COTL1: variants seen among roughly 807,000 people sequenced by gnomAD.
COTL1 encodes the protein coactosin-like protein.
Under a neutral mutation model 16.5 loss-of-function variants are expected in COTL1, and 15 were observed. The observed-to-expected ratio is 0.91, with a 90% CI of 0.61 to 1.40. The LOEUF (loss-of-function observed/expected upper bound fraction) is 1.40, where lower values mean the gene tolerates loss of function less well. Among genes scored for constraint, COTL1 ranks in the 40% most tolerant of loss-of-function variants. The pLI is 0.00. For missense variants in COTL1, 220 were observed against 201.5 expected (o/e 1.09, Z -0.56); for synonymous variants, 112 against 85.3 (o/e 1.31, Z -1.73).
chr16:84,588,260 C>A (rs1358179617), intron 3 of COTL1, among the ~76,000 whole-genome samples: 1 of 151,160 alleles, frequency 6.6e-6, no homozygotes, highest in African/African-American at 2.5e-5. Flanking sequence ...TTTAGAAGAG[C>A]TTTGGAGTTA....
intron 2 of COTL1, among the ~76,000 whole-genome samples, chr16:84,591,417 C>T (rs1904859263): frequency 6.6e-6 from 1 of 151,532 alleles, no homozygotes; most frequent in Non-Finnish European, 1.5e-5. Flanking sequence ...ATCTCCTGAC[C>T]TTGTATTCCA....
At chr16:84,591,837 T>TAAAATAAAAA (rs1904875505) in intron 2 of COTL1, among the ~76,000 whole-genome samples, 1 of 89,676 alleles carries the variant, frequency 1.1e-5, no homozygotes, top group African/African-American at 5.9e-5. Context: ...TAAAATAAAA[T>TAAAATAAAAA]AAAATAAAAT....
chr16:84,570,094 G>A (rs532880240), intron 3 of COTL1, among the ~76,000 whole-genome samples: 66 of 152,244 alleles, frequency 4.3e-4, no homozygotes, highest in African/African-American at 1.5e-3. Context: ...TGGCCAACAC[G>A]GTGAAAACCC....
chr16:84,585,409 G>T lies in COTL1; in HGVS notation c.318+4696C>A, dbSNP rs57566750. Among the ~76,000 whole-genome samples, 25 of 150,936 alleles carry T rather than the reference G, an allele frequency of 1.7e-4. No individual in the cohort carries two copies. The South Asian group carries it at 5.2e-3, about 32-fold the overall frequency. On this transcript the variant is annotated intron_variant, in intron 3 of 3. Coordinates refer to ENST00000262428, the MANE Select transcript of COTL1 (RefSeq NM_021149.5). Reference sequence around the variant, plus strand: ...TTCAAGTTCCTCCACATCAATGACCGTGCAATTAATTTACACCCTCCACGT... The same window carrying T: ...TTCAAGTTCCTCCACATCAATGACCTTGCAATTAATTTACACCCTCCACGT...
At chr16:84,577,410 AT>A (rs1368527394) in intron 3 of COTL1, among the ~76,000 whole-genome samples, 2 of 152,042 alleles carry the variant, frequency 1.3e-5, no homozygotes, top group Admixed American at 6.6e-5. Context: ...ACACCCAGCT[AT>A]TTTTTGTATT....
intron 2 of COTL1, among the ~76,000 whole-genome samples, chr16:84,603,630 G>A (rs1443283142): frequency 6.6e-6 from 1 of 152,136 alleles, no homozygotes; most frequent in East Asian, 1.9e-4. Context: ...GGGACCAACG[G>A]TGACAATGGC....
chr16:84,592,836 T>G (rs1397518392), intron 2 of COTL1, among the ~76,000 whole-genome samples: 1 of 152,144 alleles, frequency 6.6e-6, no homozygotes, highest in Non-Finnish European at 1.5e-5. Context: ...GTCATCCATT[T>G]GTCCCCGGGA....
chr16:84,597,579 A>G (rs1331418821), intron 2 of COTL1, among the ~76,000 whole-genome samples: 1 of 152,156 alleles, frequency 6.6e-6, no homozygotes, highest in Non-Finnish European at 1.5e-5. Flanking sequence ...AATGAGCCCC[A>G]GGGTGATTCT....
intron 3 of COTL1, among the ~76,000 whole-genome samples, chr16:84,587,702 G>A (rs1399184009): frequency 6.6e-6 from 1 of 152,160 alleles, no homozygotes; most frequent in Non-Finnish European, 1.5e-5. Flanking sequence ...CCCGTCCAGA[G>A]AGTGGCCAGG....
chr16:84,618,007 G>C lies in COTL1; in HGVS notation c.-93C>G. ...GGAGCGCGGCGGGTACGCGCCGAGG[G>C]CGCACGGGCTGGCGGCGGTGGCGAC... On this transcript the variant is annotated 5_prime_UTR_variant, in exon 1 of 4. Coordinates refer to ENST00000262428, the MANE Select transcript of COTL1 (RefSeq NM_021149.5). 1 of 806,798 alleles carries C rather than the reference G, an allele frequency of 1.2e-6. No individual in the cohort carries two copies. The highest frequency in any genetic ancestry group is 1.6e-6 in the Non-Finnish European group (1 of 615,112). 50.0% of individuals were successfully genotyped at this position (806,798 alleles called of 1,614,324 possible). A position where few individuals can be genotyped will look rare whatever the true frequency, so the allele number is the denominator to read the frequency against.
intron 3 of COTL1, among the ~76,000 whole-genome samples, chr16:84,577,757 T>C (rs564008708): frequency 6.6e-6 from 1 of 152,156 alleles, no homozygotes; most frequent in African/African-American, 2.4e-5. Context: ...AGGGTAACCA[T>C]CTAATGAAGA....
intron 2 of COTL1, among the ~76,000 whole-genome samples, chr16:84,599,082 C>G (rs937142624): frequency 6.7e-6 from 1 of 149,852 alleles, no homozygotes; most frequent in African/African-American, 2.5e-5. Context: ...CTTGCCCCTC[C>G]CCCCCTTCCC....
At chr16:84,601,287 A>T (rs907195236) in intron 2 of COTL1, among the ~76,000 whole-genome samples, 19 of 152,218 alleles carry the variant, frequency 1.2e-4, no homozygotes, top group Non-Finnish European at 2.2e-4. Context: ...AAAAATATAC[A>T]GTCTACCATA....
chr16:84,604,777 C>G (rs1013046473), intron 2 of COTL1, among the ~76,000 whole-genome samples: 1 of 152,214 alleles, frequency 6.6e-6, no homozygotes, highest in Non-Finnish European at 1.5e-5. Flanking sequence ...GCATCTCAAG[C>G]CAGGTTCTTT....
chr16:84,592,138 C>G (rs549641856), intron 2 of COTL1, among the ~76,000 whole-genome samples: 31 of 152,246 alleles, frequency 2.0e-4, no homozygotes, highest in Non-Finnish European at 3.1e-4. Flanking sequence ...AGAACACCCC[C>G]AGTTGAGAAC....
chr16:84,610,434 C>T (rs1905297141), intron 2 of COTL1, among the ~76,000 whole-genome samples: 1 of 152,206 alleles, frequency 6.6e-6, no homozygotes, highest in African/African-American at 2.4e-5. Flanking sequence ...CAGGTACTCT[C>T]TATAAATGGT....
intron 3 of COTL1, among the ~76,000 whole-genome samples, chr16:84,572,940 A>G (rs1463979534): frequency 1.1e-4 from 16 of 143,142 alleles, no homozygotes; most frequent in Admixed American, 6.9e-4. Context: ...TTTGGTAGAT[A>G]ATGGGGTTTT....
intron 2 of COTL1, among the ~76,000 whole-genome samples, chr16:84,592,712 G>A (rs758365392): frequency 1.9e-4 from 29 of 152,156 alleles, no homozygotes; most frequent in Admixed American, 6.5e-4. Context: ...CAAACCACCT[G>A]TCTACAGGAG....
At chr16:84,607,165 C>T (rs750261715) in intron 2 of COTL1, among the ~76,000 whole-genome samples, 4 of 152,158 alleles carry the variant, frequency 2.6e-5, no homozygotes, top group Non-Finnish European at 5.9e-5. Flanking sequence ...GACATGCACA[C>T]GACCACCATA....
Sources: gnomAD v4.1 joint callset for allele counts (sites outside exome capture counted in the v4.1 genomes callset) on GRCh38, gnomAD v4.1.1 for gene constraint, MANE v1.5 for transcripts, NCBI Gene and HGNC (gene_info 2026-07-23, HGNC 2026-07-21) for gene names.